Variants in OLA1 observed in about 807,000 individuals in gnomAD.
OLA1 encodes Obg like ATPase 1, also known as obg-like ATPase 1.
OLA1 carries 14 observed loss-of-function variants against 48.4 expected under a neutral mutation model. The observed-to-expected ratio is 0.29, with a 90% CI of 0.19 to 0.45. The LOEUF (loss-of-function observed/expected upper bound fraction) is 0.45, where lower values mean the gene tolerates loss of function less well. OLA1 is among the 20% of genes least tolerant of loss of function. The pLI, the probability that OLA1 is intolerant of heterozygous loss-of-function variation, is 1.00. For synonymous variants in OLA1, 127 were observed against 150.4 expected, an observed-to-expected ratio of 0.84 and a Z score of 1.14; for missense variants, 325 against 467.1, an observed-to-expected ratio of 0.70 and a Z score of 2.80.
intron 5 of OLA1, among the ~76,000 whole-genome samples, chr2:174,140,631 G>A (rs1686425382): frequency 6.6e-6 from 1 of 152,098 alleles, no homozygotes; most frequent in African/African-American, 2.4e-5. Flanking sequence ...GCCTCCCAAA[G>A]TGCTGGAATT....
At chr2:174,219,974 A>C (rs1322462382) in intron 4 of OLA1, among the ~76,000 whole-genome samples, 1 of 152,102 alleles carries the variant, frequency 6.6e-6, no homozygotes. Context: ...TCTACTAAAA[A>C]TACAAAAAGT....
intron 7 of OLA1, 54 bp downstream of exon 7, chr2:174,123,122 GTGTT>G: frequency 1.3e-6 from 1 of 764,318 alleles, no homozygotes; most frequent in African/African-American, 1.8e-5. Flanking sequence ...ATGTGGGTGT[GTGTT>G]TGTGTGTGTA....
chr2:174,156,830 C>T (rs1686896335), intron 4 of OLA1, among the ~76,000 whole-genome samples: 1 of 151,838 alleles, frequency 6.6e-6, no homozygotes, highest in Admixed American at 6.6e-5. Context: ...GATGATCCAC[C>T]CACCTCAGCC....
chr2:174,141,984 A>G lies in OLA1; in HGVS notation c.390T>C (p.Asp130=), dbSNP rs746342567. 2 of 1,613,302 alleles carry G rather than the reference A, an allele frequency of 1.2e-6. No homozygotes were observed. Among genetic ancestry groups the G allele is most frequent in the African/African-American group, 1.3e-5 (1 of 75,030 alleles). ...IFHLTRAFED[D]DITHVEGSVD... Reference sequence around the variant, plus strand: ...CACTTCCTTCAACGTGCGTGATATCATCATCTTCAAAAGCACCTAAAATGA... The same window carrying G: ...CACTTCCTTCAACGTGCGTGATATCGTCATCTTCAAAAGCACCTAAAATGA... Residue 130 remains aspartate, a synonymous_variant, in exon 5 of 11, where the codon GAT becomes GAC. Coordinates refer to ENST00000284719, the MANE Select transcript of OLA1 (RefSeq NM_013341.5).
rs1684619929 is a variant in OLA1, at chr2:174,072,459, C to T, written c.*2967G>A. 6.6e-6 allele frequency: 1 copy of T among 152,166 alleles called. No individual in the cohort carries two copies. Among genetic ancestry groups the T allele is most frequent in the African/African-American group, 2.4e-5 (1 of 41,446 alleles). The allele number at this position is 152,166 out of a possible 1,614,324, so 9.4% of individuals were successfully genotyped here. A position where few individuals can be genotyped will look rare whatever the true frequency, so the allele number is the denominator to read the frequency against. ...AGTCACTCAAAAGTCAAACCCAGCT[C>T]TTTTATTTTATCACCACAGTGTATT... On this transcript the variant is annotated 3_prime_UTR_variant, in exon 11 of 11. Transcript: ENST00000284719.
intron 4 of OLA1, among the ~76,000 whole-genome samples, chr2:174,160,419 T>G (rs1157886684): frequency 6.6e-6 from 1 of 152,208 alleles, no homozygotes; most frequent in African/African-American, 2.4e-5. Context: ...TTATTCTCAA[T>G]TTTTTAAAAA....
At chr2:174,146,771 A>G (rs1044126669) in intron 4 of OLA1, among the ~76,000 whole-genome samples, 3 of 152,222 alleles carry the variant, frequency 2.0e-5, no homozygotes, top group Non-Finnish European at 4.4e-5. Flanking sequence ...AATTTCTTAT[A>G]ACTCAAGAGT....
intron 7 of OLA1, among the ~76,000 whole-genome samples, chr2:174,117,013 C>A (rs1685800350): frequency 6.6e-6 from 1 of 152,064 alleles, no homozygotes; most frequent in South Asian, 2.1e-4. Context: ...CCAAGGGTGA[C>A]AATAAAATCC....
At chr2:174,177,759 C>T (rs1486515472) in intron 4 of OLA1, among the ~76,000 whole-genome samples, 1 of 151,564 alleles carries the variant, frequency 6.6e-6, no homozygotes, top group Non-Finnish European at 1.5e-5. Context: ...ACAAAGTCAG[C>T]CAGCTTAATA....
At chr2:174,140,917 TA>T (rs1278541825) in intron 5 of OLA1, among the ~76,000 whole-genome samples, 2 of 151,976 alleles carry the variant, frequency 1.3e-5, no homozygotes, top group African/African-American at 4.8e-5. Flanking sequence ...CATTTTATTT[TA>T]TTTTTAAAAA....
intron 4 of OLA1, among the ~76,000 whole-genome samples, chr2:174,218,411 T>C (rs1299454724): frequency 6.6e-6 from 1 of 152,200 alleles, no homozygotes; most frequent in Non-Finnish European, 1.5e-5. Flanking sequence ...GCTCTTGTAA[T>C]TCCTCATGCA....
chr2:174,232,631 T>C (rs1441638493), intron 2 of OLA1, among the ~76,000 whole-genome samples: 1 of 152,066 alleles, frequency 6.6e-6, no homozygotes, highest in Non-Finnish European at 1.5e-5. Context: ...CACTAATCAC[T>C]AGAGAAATGC....
intron 7 of OLA1, among the ~76,000 whole-genome samples, chr2:174,088,238 C>G (rs1685028082): frequency 6.6e-6 from 1 of 152,174 alleles, no homozygotes; most frequent in African/African-American, 2.4e-5. Context: ...TACCATTAAT[C>G]CAGGGGGTTC....
chr2:174,121,850 G>C (rs4145305), intron 7 of OLA1, among the ~76,000 whole-genome samples: 1 of 152,038 alleles, frequency 6.6e-6, no homozygotes, highest in Non-Finnish European at 1.5e-5. Context: ...ATACAGGTGT[G>C]AGAAGTCCCT....
intron 4 of OLA1, among the ~76,000 whole-genome samples, chr2:174,191,800 G>T (rs1183730391): frequency 6.6e-6 from 1 of 151,982 alleles, no homozygotes; most frequent in African/African-American, 2.4e-5. Context: ...CCAGTAAACT[G>T]GTGGATCACA....
intron 2 of OLA1, among the ~76,000 whole-genome samples, chr2:174,234,576 G>A (rs951747378): frequency 2.0e-5 from 3 of 151,996 alleles, no homozygotes; most frequent in East Asian, 1.9e-4. Flanking sequence ...AGATCCTCCC[G>A]CTTCAGCCTC....
intron 2 of OLA1, among the ~76,000 whole-genome samples, chr2:174,235,646 C>A (rs1405042920): frequency 2.0e-5 from 3 of 152,130 alleles, no homozygotes; most frequent in Non-Finnish European, 4.4e-5. Flanking sequence ...AGTAGTCACA[C>A]CAAGTTGAAG....
chr2:174,190,943 T>TC (rs1453275246), intron 4 of OLA1, among the ~76,000 whole-genome samples: 1 of 14,138 alleles, frequency 7.1e-5, no homozygotes, highest in Non-Finnish European at 1.2e-4. Context: ...AGACTTCGTC[T>TC]CAAAAAAAAA....
chr2:174,185,721 A>T (rs560914331), intron 4 of OLA1, among the ~76,000 whole-genome samples: 16 of 152,282 alleles, frequency 1.1e-4, no homozygotes, highest in Middle Eastern at 6.8e-3. Context: ...TGAGGTCAGG[A>T]GTTCAAGACC....
Sources: allele counts gnomAD v4.1 joint callset (sites outside exome capture counted in the v4.1 genomes callset), GRCh38; gene constraint gnomAD v4.1.1; transcripts MANE v1.5; gene names NCBI Gene and HGNC (gene_info 2026-07-23, HGNC 2026-07-21).